The following UBXN2B variants were observed in gnomAD, a reference collection of about 807,000 sequenced individuals.
UBXN2B encodes UBX domain protein 2B, also known as UBX domain-containing protein 2B.
In UBXN2B, 19 loss-of-function variants were observed where a neutral mutation model predicts 37.5. That is an observed-to-expected ratio of 0.51 (90% CI 0.35 to 0.74). UBXN2B has a LOEUF of 0.74. Ranked by LOEUF, UBXN2B falls within the 30% of genes least tolerant of loss-of-function variation. The pLI, the probability that UBXN2B is intolerant of heterozygous loss-of-function variation, is 0.01. For missense variants in UBXN2B, 370 were observed against 393.2 expected (o/e 0.94, Z 0.50); for synonymous variants, 145 against 143.8 (o/e 1.01, Z -0.06).
At chr8:58,430,322 C>T (rs1301367241) in intron 2 of UBXN2B, among the ~76,000 whole-genome samples, 197 bp from the exon 3 acceptor site, 1 of 152,204 alleles carries the variant, frequency 6.6e-6, no homozygotes, top group Non-Finnish European at 1.5e-5. Flanking sequence ...TCTTTGCAAA[C>T]TCAGTGAGAA....
intron 2 of UBXN2B, chr8:58,425,682 A>T (rs111496210): frequency 3.4e-6 from 4 of 1,167,902 alleles, no homozygotes; most frequent in Non-Finnish European, 5.1e-6. Context: ...TAGTTCTCGA[A>T]TTCTGCTATT....
intron 3 of UBXN2B, among the ~76,000 whole-genome samples, chr8:58,430,975 C>A (rs1397495265): frequency 2.0e-5 from 3 of 152,142 alleles, no homozygotes; most frequent in African/African-American, 7.2e-5. Context: ...TGGTTCCCCC[C>A]AATGGTTACG....
intron 5 of UBXN2B, chr8:58,434,731 C>G: frequency 7.0e-7 from 1 of 1,426,656 alleles, no homozygotes; most frequent in Non-Finnish European, 9.3e-7. Flanking sequence ...TGGACATTGG[C>G]CCATTTTAAA....
In UBXN2B at chr8:58,447,602, T is replaced by C. The variant is rs750328273; in HGVS notation, c.*51T>C. 4.7e-6 allele frequency: 7 copies of C among 1,477,420 alleles called. No individual in the cohort carries two copies. The Admixed American group carries it at 1.4e-4, about 30-fold the overall frequency. The allele number at this position is 1,477,420 out of a possible 1,614,324, so 91.5% of individuals were successfully genotyped here. ...TGTGGGAATAGATGATGTGCCGTAT[T>C]AATAAGGACAATACTTCAGCATTAA... On this transcript the variant is annotated 3_prime_UTR_variant, in exon 8 of 8. Transcript: ENST00000399598.
intron 5 of UBXN2B, among the ~76,000 whole-genome samples, chr8:58,435,336 G>A (rs193133399): frequency 8.0e-4 from 122 of 152,248 alleles, no homozygotes; most frequent in African/African-American, 2.8e-3. Context: ...TCTTTTAGAA[G>A]ACTAATTAGC....
chr8:58,424,663 A>G (rs1024562717), intron 2 of UBXN2B: 4 of 1,102,660 alleles, frequency 3.6e-6, no homozygotes, highest in Non-Finnish European at 5.3e-6. Flanking sequence ...TCATTTCTGC[A>G]CAGCGTGGAG....
chr8:58,413,434 ATTAT>A (rs914528945), intron 1 of UBXN2B: 2 of 152,182 alleles, frequency 1.3e-5, no homozygotes, highest in African/African-American at 4.8e-5. Context: ...TTGGATATTG[ATTAT>A]TTATAGATTA....
Position 58,448,127 on chromosome 8 carries a change from T to C in UBXN2B, c.*576T>C, listed in dbSNP as rs186656161. On this transcript the variant is annotated 3_prime_UTR_variant, in exon 8 of 8. Transcript: ENST00000399598. The stretch of plus-strand genomic sequence containing the variant: ...AGTTTTGCCTTGTATTTTACAGAAT[T>C]ATGACTGTTGTGAACTTAAACAGAA... 1 of 152,254 alleles carries C rather than the reference T, an allele frequency of 6.6e-6. No homozygotes were observed. Among genetic ancestry groups the C allele is most frequent in the Non-Finnish European group, 1.5e-5 (1 of 68,016 alleles). The allele number at this position is 152,254 out of a possible 1,614,324, so 9.4% of individuals were successfully genotyped here. A position where few individuals can be genotyped will look rare whatever the true frequency, so the allele number is the denominator to read the frequency against.
At chr8:58,440,067 A>G (rs1376809693) in intron 6 of UBXN2B, among the ~76,000 whole-genome samples, 1 of 152,206 alleles carries the variant, frequency 6.6e-6, no homozygotes, top group African/African-American at 2.4e-5. Context: ...TCTTTGATGT[A>G]GATACTGTTA....
intron 6 of UBXN2B, among the ~76,000 whole-genome samples, chr8:58,441,353 A>ATATATATATATATATATGTATGTGTG (rs1808541843): frequency 7.4e-6 from 1 of 134,390 alleles, no homozygotes; most frequent in South Asian, 2.5e-4. Flanking sequence ...ATCAACATAT[A>ATATATATATATATATATGTATGTGTG]TATATATATA....
Position 58,447,402 on chromosome 8 carries a change from C to CT in UBXN2B, c.847_848insT (p.Arg283LeufsTer10). 1 of 1,592,970 alleles carries CT rather than the reference C, an allele frequency of 6.3e-7. No homozygotes were observed. The highest frequency in any genetic ancestry group is 1.2e-5 in the South Asian group (1 of 86,268). ...TTATTTCTTCAGGATCCTGGATGTC[C>CT]GGAACTTTATTGTACAGTCTCGTCC... On this transcript the variant is annotated frameshift_variant, in exon 8 of 8. Transcript: ENST00000399598. LOFTEE classifies it high-confidence loss of function.
chr8:58,437,245 T>TG (rs1392712194), intron 5 of UBXN2B, among the ~76,000 whole-genome samples: 1 of 151,642 alleles, frequency 6.6e-6, no homozygotes, highest in Non-Finnish European at 1.5e-5. Flanking sequence ...GTCTGCGTTG[T>TG]GTCCATACCC....
Position 58,434,460 on chromosome 8 carries a change from C to T in UBXN2B, c.489C>T (p.Tyr163=), listed in dbSNP as rs1453513165. 28 of 1,558,694 alleles carry T rather than the reference C, an allele frequency of 1.8e-5. No individual in the cohort carries two copies. Among genetic ancestry groups the T allele is most frequent in the Non-Finnish European group, 2.2e-5 (25 of 1,154,414 alleles). Residue 163 remains tyrosine, a synonymous_variant, in exon 5 of 8, where the codon TAC becomes TAT. Coordinates refer to ENST00000399598, the MANE Select transcript of UBXN2B (RefSeq NM_001077619.2). ...FSLDDGELRP[Y]NEPTNAQFLE... ...TAGATGATGGAGAATTGAGACCTTA[C>T]AATGAACCAACAAATGCTCAATTTC...
Position 58,450,310 on chromosome 8 carries a change from A to G in UBXN2B, c.*2759A>G, listed in dbSNP as rs1239150505. 1 of 152,212 alleles carries G rather than the reference A, an allele frequency of 6.6e-6. No individual in the cohort carries two copies. The highest frequency in any genetic ancestry group is 1.5e-5 in the Non-Finnish European group (1 of 68,036). The allele number at this position is 152,212 out of a possible 1,614,324, so 9.4% of individuals were successfully genotyped here. On this transcript the variant is annotated 3_prime_UTR_variant, in exon 8 of 8. Coordinates refer to ENST00000399598, the MANE Select transcript of UBXN2B (RefSeq NM_001077619.2). ...AAGAAGACAGCAGGCTGTACCTTCC[A>G]CAGCTTGCTTGGAAATATCCTCAGC... is the stretch of plus-strand genomic sequence containing the variant.
At position 58,420,681 on chromosome 8, in the gene UBXN2B, G is replaced by A. The variant is rs1374699574; in HGVS notation, c.188+3728G>A. 6.6e-5 allele frequency among the ~76,000 whole-genome samples: 10 copies of A among 152,274 alleles called. No homozygotes were observed. In the Middle Eastern group the frequency reaches 0.017, roughly 259 times the overall value. The stretch of plus-strand genomic sequence containing the variant: ...TAAACAGACAAATTATTAATTACAT[G>A]ATTTGAGGCTTAGGATGAAAACTTG... On this transcript the variant is annotated intron_variant, in intron 2 of 7. Transcript: ENST00000399598.
At chr8:58,447,342 A>G in intron 7 of UBXN2B, 47 bp from the exon 8 acceptor site, 1 of 1,484,234 alleles carries the variant, frequency 6.7e-7, no homozygotes. Flanking sequence ...GTTTACATGA[A>G]AATATGATTT....
chr8:58,420,680 T>G (rs1807903199), intron 2 of UBXN2B, among the ~76,000 whole-genome samples: 1 of 152,216 alleles, frequency 6.6e-6, no homozygotes, highest in African/African-American at 2.4e-5. Flanking sequence ...ATTAATTACA[T>G]GATTTGAGGC....
intron 2 of UBXN2B, among the ~76,000 whole-genome samples, chr8:58,421,748 C>T (rs1470806177): frequency 1.3e-5 from 2 of 152,208 alleles, no homozygotes; most frequent in Non-Finnish European, 2.9e-5. Context: ...ATCTGAGAAC[C>T]TGCAATCACC....
intron 2 of UBXN2B, among the ~76,000 whole-genome samples, chr8:58,420,205 A>G (rs1807889837): frequency 6.6e-6 from 1 of 152,200 alleles, no homozygotes; most frequent in South Asian, 2.1e-4. Context: ...TTTAGTTCCC[A>G]TACAGTTTAC....
Sources: gnomAD v4.1 joint callset for allele counts (sites outside exome capture counted in the v4.1 genomes callset) on GRCh38, gnomAD v4.1.1 for gene constraint, MANE v1.5 for transcripts, NCBI Gene and HGNC (gene_info 2026-07-23, HGNC 2026-07-21) for gene names.